Variants in KHDRBS2 observed in about 807,000 individuals in gnomAD.
The protein encoded by KHDRBS2 is KH RNA binding domain containing, signal transduction associated 2.
Under a neutral mutation model 44.3 loss-of-function variants are expected in KHDRBS2, and 26 were observed. The ratio of observed to expected loss-of-function variants is 0.59; its 90% CI spans 0.43 to 0.81. KHDRBS2 has a LOEUF of 0.81. Among genes scored for constraint, KHDRBS2 ranks in the 40% least tolerant of loss-of-function variants. The pLI is 0.00. For missense variants in KHDRBS2, 476 were observed against 433.1 expected, an observed-to-expected ratio of 1.10 and a Z score of -0.88; for synonymous variants, 194 against 151.1, an observed-to-expected ratio of 1.28 and a Z score of -2.08.
the KHDRBS2 span, among the ~76,000 whole-genome samples, chr6:61,613,919 C>A: frequency 6.6e-6 from 1 of 152,160 alleles, no homozygotes; most frequent in Non-Finnish European, 1.5e-5. Context: ...CTCTCTGTTT[C>A]CTAGATTAAC....
intron 4 of KHDRBS2, among the ~76,000 whole-genome samples, chr6:61,936,528 T>C (rs1216249805): frequency 6.6e-6 from 1 of 152,012 alleles, no homozygotes. Context: ...TTTTTTTTTA[T>C]ATTTGAATAT....
intron 3 of KHDRBS2, among the ~76,000 whole-genome samples, chr6:61,988,260 C>T (rs541679088): frequency 2.6e-4 from 39 of 152,150 alleles, no homozygotes; most frequent in African/African-American, 8.9e-4. Context: ...GAAAAGAAGG[C>T]AATTAATCTT....
chr6:61,788,418 G>T (rs1279763563), intron 6 of KHDRBS2, among the ~76,000 whole-genome samples: 1 of 151,384 alleles, frequency 6.6e-6, no homozygotes, highest in African/African-American at 2.4e-5. Flanking sequence ...TTTTCTTCCA[G>T]CTGGGGTTCT....
At chr6:62,218,261 C>T (rs938811783) in intron 1 of KHDRBS2, among the ~76,000 whole-genome samples, 21 of 151,832 alleles carry the variant, frequency 1.4e-4, no homozygotes, top group Admixed American at 3.9e-4. Context: ...CCTTAAAACA[C>T]GATTAAAGTG....
In KHDRBS2 at chr6:62,247,931, C is replaced by T. The variant is rs115166286; in HGVS notation, c.91+37927G>A. ...CAGTAGAGATTAAAAAGAGTTTTCC[C>T]AGAATGCTATGACTTTTTCTTTATA... is the stretch of plus-strand genomic sequence containing the variant. On this transcript the variant is annotated intron_variant, in intron 1 of 8. Transcript: ENST00000281156. 2.5e-3 allele frequency among the ~76,000 whole-genome samples: 380 copies of T among 152,106 alleles called. 3 individuals are homozygous for T. The highest frequency in any genetic ancestry group is 8.4e-3 in the African/African-American group (348 of 41,512).
the KHDRBS2 span, among the ~76,000 whole-genome samples, chr6:61,651,432 T>A: frequency 1.3e-5 from 2 of 152,074 alleles, no homozygotes. Flanking sequence ...CTGAATAAAC[T>A]ATGTGTTTTG....
intron 5 of KHDRBS2, among the ~76,000 whole-genome samples, chr6:61,895,919 G>T (rs1802858122): frequency 1.3e-5 from 2 of 151,976 alleles, no homozygotes; most frequent in South Asian, 2.1e-4. Flanking sequence ...ATAAGTGAAG[G>T]GTACGAATGC....
intron 2 of KHDRBS2, among the ~76,000 whole-genome samples, chr6:62,115,346 G>T (rs540254582): frequency 2.6e-5 from 4 of 152,126 alleles, no homozygotes; most frequent in Admixed American, 2.0e-4. Flanking sequence ...TGACTACTTT[G>T]ATATCAGCAT....
chr6:61,926,040 T>C (rs149531606), intron 4 of KHDRBS2, among the ~76,000 whole-genome samples: 1 of 152,236 alleles, frequency 6.6e-6, no homozygotes, highest in African/African-American at 2.4e-5. Context: ...AGTATAATTA[T>C]GAAAACTTAA....
At position 61,922,579 on chromosome 6, in the gene KHDRBS2, T is replaced by G. The variant is rs192144561; in HGVS notation, c.484-21208A>C. On this transcript the variant is annotated intron_variant, in intron 4 of 8. Coordinates refer to ENST00000281156, the MANE Select transcript of KHDRBS2 (RefSeq NM_152688.4). ...CACCAGAAAAGACTAGAAGGAACAG[T>G]TCACTGCACTCACAGGGAACCAGGA... 5.5e-3 allele frequency among the ~76,000 whole-genome samples: 830 copies of G among 152,074 alleles called. 6 individuals are homozygous for G. Among genetic ancestry groups the G allele is most frequent in the Non-Finnish European group, 9.2e-3 (627 of 67,960 alleles).
intron 2 of KHDRBS2, among the ~76,000 whole-genome samples, chr6:62,136,667 A>T (rs1173515506): frequency 6.6e-6 from 1 of 152,210 alleles, no homozygotes; most frequent in Non-Finnish European, 1.5e-5. Context: ...ATGTAAGAAT[A>T]TCACTAATGC....
At chr6:61,632,211 T>C in the KHDRBS2 span, among the ~76,000 whole-genome samples, 1 of 152,220 alleles carries the variant, frequency 6.6e-6, no homozygotes, top group Admixed American at 6.5e-5. Flanking sequence ...TAAATTTTGA[T>C]ATACCTAAAT....
chr6:62,091,285 T>C (rs931685167), intron 2 of KHDRBS2, among the ~76,000 whole-genome samples: 3 of 53,044 alleles, frequency 5.7e-5, no homozygotes, highest in African/African-American at 1.9e-4. Flanking sequence ...ACAGTATTTT[T>C]TATTTTTCAT....
At chr6:61,726,098 A>T (rs926224429) in intron 7 of KHDRBS2, among the ~76,000 whole-genome samples, 1 of 152,122 alleles carries the variant, frequency 6.6e-6, no homozygotes, top group South Asian at 2.1e-4. Context: ...AACTTATTTA[A>T]CATGATCCAG....
chr6:61,992,577 T>A (rs1252228092), intron 3 of KHDRBS2, among the ~76,000 whole-genome samples: 2 of 152,092 alleles, frequency 1.3e-5, no homozygotes, highest in African/African-American at 4.8e-5. Flanking sequence ...GGAGTATGTT[T>A]TTCTGTAGGG....
chr6:61,596,861 A>G, the KHDRBS2 span, among the ~76,000 whole-genome samples: 2 of 152,206 alleles, frequency 1.3e-5, no homozygotes, highest in Middle Eastern at 3.4e-3. Flanking sequence ...CATGTTGGCC[A>G]GGATGGTCTC....
At chr6:61,622,736 C>A in the KHDRBS2 span, among the ~76,000 whole-genome samples, 1 of 151,996 alleles carries the variant, frequency 6.6e-6, no homozygotes, top group South Asian at 2.1e-4. Context: ...ACCCGAAAAC[C>A]AAACAGAGGA....
chr6:62,152,978 T>C (rs549871763), intron 2 of KHDRBS2, among the ~76,000 whole-genome samples: 1 of 152,250 alleles, frequency 6.6e-6, no homozygotes, highest in East Asian at 1.9e-4. Context: ...CCTGATAGCA[T>C]CGGGACTTTG....
intron 7 of KHDRBS2, among the ~76,000 whole-genome samples, chr6:61,702,823 A>C (rs947886078): frequency 1.3e-5 from 2 of 151,888 alleles, no homozygotes; most frequent in Non-Finnish European, 2.9e-5. Flanking sequence ...GTATTAATCT[A>C]TTTCATTATT....
Sources: gnomAD v4.1 joint callset for allele counts (sites outside exome capture counted in the v4.1 genomes callset) on GRCh38, gnomAD v4.1.1 for gene constraint, MANE v1.5 for transcripts, NCBI Gene and HGNC (gene_info 2026-07-23, HGNC 2026-07-21) for gene names.